CEP63: variants seen among roughly 807,000 people sequenced by gnomAD.
CEP63 encodes the protein centrosomal protein 63, also known as centrosomal protein of 63 kDa.
Under a neutral mutation model 89.1 loss-of-function variants are expected in CEP63, and 84 were observed. The ratio of observed to expected loss-of-function variants is 0.94; its 90% CI spans 0.79 to 1.13. The LOEUF (loss-of-function observed/expected upper bound fraction) is 1.13. CEP63 is among the 50% of genes most tolerant of loss of function. The pLI is 0.00. For synonymous variants in CEP63, 267 were observed against 272.5 expected (o/e 0.98, Z 0.20); for missense variants, 838 against 813.3 (o/e 1.03, Z -0.37).
At chr3:134,516,976 A>G (rs1164108096) in intron 3 of CEP63, among the ~76,000 whole-genome samples, 2 of 152,164 alleles carry the variant, frequency 1.3e-5, no homozygotes, top group Admixed American at 6.5e-5. Flanking sequence ...ATCTTAGGTC[A>G]AGGTTCAAGT....
the CEP63 span, among the ~76,000 whole-genome samples, chr3:134,615,914 C>T: frequency 3.3e-5 from 5 of 152,196 alleles, no homozygotes; most frequent in African/African-American, 9.7e-5. Flanking sequence ...AGTGGAAAGC[C>T]AGCTGACATC....
At chr3:134,552,126 A>G in intron 12 of CEP63, 114 bp downstream of exon 12, 1 of 613,336 alleles carries the variant, frequency 1.6e-6, no homozygotes, top group East Asian at 3.1e-5. Flanking sequence ...TTTTGCAGAA[A>G]TTTTCTCAAA....
chr3:134,626,684 C>T, the CEP63 span, among the ~76,000 whole-genome samples: 2 of 152,200 alleles, frequency 1.3e-5, no homozygotes, highest in South Asian at 4.1e-4. Flanking sequence ...CTGGCTCCAG[C>T]CCCTTCATGA....
chr3:134,769,059 T>G, the CEP63 span, among the ~76,000 whole-genome samples: 1 of 152,290 alleles, frequency 6.6e-6, no homozygotes, highest in Admixed American at 6.5e-5. Flanking sequence ...AGCTTGGACT[T>G]AGAGACTCAC....
chr3:134,703,206 G>T, the CEP63 span, among the ~76,000 whole-genome samples: 1 of 147,850 alleles, frequency 6.8e-6, no homozygotes, highest in African/African-American at 2.5e-5. Flanking sequence ...TGAGGCAGGA[G>T]AATGGCATGA....
At chr3:134,512,271 A>G (rs999974443) in intron 3 of CEP63, among the ~76,000 whole-genome samples, 2 of 152,176 alleles carry the variant, frequency 1.3e-5, no homozygotes, top group African/African-American at 4.8e-5. Context: ...TAATATAAGC[A>G]ACTTGTTTTG....
At chr3:134,493,276 C>T (rs1419376467) in intron 1 of CEP63, among the ~76,000 whole-genome samples, 2 of 151,734 alleles carry the variant, frequency 1.3e-5, no homozygotes, top group Admixed American at 6.6e-5. Flanking sequence ...GTTCATGCCC[C>T]TCATTTTGCA....
intron 6 of CEP63, among the ~76,000 whole-genome samples, chr3:134,538,538 T>TATAC (rs1344120903): frequency 7.2e-6 from 1 of 138,092 alleles, no homozygotes; most frequent in Admixed American, 7.6e-5. Context: ...TGTGTGTATA[T>TATAC]ATATATATAT....
the CEP63 span, among the ~76,000 whole-genome samples, chr3:134,609,198 G>A: frequency 6.6e-6 from 1 of 152,184 alleles, no homozygotes; most frequent in Non-Finnish European, 1.5e-5. Flanking sequence ...GAGACAGAGT[G>A]CTTGAATTCA....
the CEP63 span, among the ~76,000 whole-genome samples, chr3:134,662,559 T>G: frequency 6.6e-6 from 1 of 152,136 alleles, no homozygotes; most frequent in Admixed American, 6.5e-5. Flanking sequence ...CCCAACAACC[T>G]TTTGAGGTGG....
chr3:134,727,507 C>T, the CEP63 span, among the ~76,000 whole-genome samples: 8 of 152,016 alleles, frequency 5.3e-5, no homozygotes, highest in African/African-American at 1.2e-4. Flanking sequence ...CCAATAACCA[C>T]GGAGTACGTG....
At chr3:134,557,860 G>T (rs1315047595) in intron 12 of CEP63, among the ~76,000 whole-genome samples, 1 of 152,034 alleles carries the variant, frequency 6.6e-6, no homozygotes, top group Non-Finnish European at 1.5e-5. Flanking sequence ...CCCTGTTTCT[G>T]ATTCCCTCTT....
chr3:134,494,092 A>ATATTTATTTATT lies in CEP63; in HGVS notation c.-25-1174_-25-1163dup, dbSNP rs56200311. 2.3e-3 allele frequency among the ~76,000 whole-genome samples: 332 copies of ATATTTATTTATT among 143,594 alleles called. 1 individual carries two copies. The highest frequency in any genetic ancestry group is 3.2e-3 in the Non-Finnish European group (208 of 65,980). The allele number at this position is 143,594 out of a possible 152,430, so 94.2% of individuals were successfully genotyped here. Reference sequence around the variant, plus strand: ...CATGGTGTATCTTACCCTTTATTTTATATTTATTTATTTATTTATTTATTT... The same window carrying ATATTTATTTATT: ...CATGGTGTATCTTACCCTTTATTTTATATTTATTTATTTATTTATTTATTTATTTATTTATTT... On this transcript the variant is annotated intron_variant, in intron 1 of 14. Transcript: ENST00000675561.
the CEP63 span, among the ~76,000 whole-genome samples, chr3:134,661,622 C>T: frequency 3.3e-5 from 5 of 151,816 alleles, no homozygotes; most frequent in African/African-American, 9.7e-5. Context: ...AGCTGAATGA[C>T]GAGCAATTGA....
the CEP63 span, among the ~76,000 whole-genome samples, chr3:134,630,793 A>G: frequency 6.6e-6 from 1 of 152,184 alleles, no homozygotes; most frequent in African/African-American, 2.4e-5. Flanking sequence ...GGAAAAGATA[A>G]CCAACAGATG....
chr3:134,528,569 C>CCT (rs1553763956), intron 3 of CEP63, among the ~76,000 whole-genome samples: 1 of 147,024 alleles, frequency 6.8e-6, no homozygotes, highest in African/African-American at 2.5e-5. Flanking sequence ...TGTGTGTGTG[C>CCT]GTGTGTGTGT....
chr3:134,549,900 A>T (rs576507148), intron 10 of CEP63, among the ~76,000 whole-genome samples, 163 bp from the exon 11 acceptor site: 8 of 152,238 alleles, frequency 5.3e-5, no homozygotes, highest in Non-Finnish European at 1.2e-4. Context: ...CCTTCAGTAC[A>T]GATATGCAAC....
chr3:134,502,884 AG>A, intron 2 of CEP63, among the ~76,000 whole-genome samples: 1 of 151,946 alleles, frequency 6.6e-6, no homozygotes, highest in Non-Finnish European at 1.5e-5. Context: ...ACATTGTTTT[AG>A]GTTGTTAACT....
the CEP63 span, among the ~76,000 whole-genome samples, chr3:134,626,564 G>A: frequency 6.6e-6 from 1 of 152,188 alleles, no homozygotes; most frequent in Non-Finnish European, 1.5e-5. Context: ...AGGTGCATTT[G>A]CCCACACGTC....
Sources: allele counts gnomAD v4.1 joint callset (sites outside exome capture counted in the v4.1 genomes callset), GRCh38; gene constraint gnomAD v4.1.1; transcripts MANE v1.5; gene names NCBI Gene and HGNC (gene_info 2026-07-23, HGNC 2026-07-21).